Variants in JAZF1 observed in about 807,000 individuals in gnomAD.
The protein encoded by JAZF1 is juxtaposed with another zinc finger protein 1.
JAZF1 carries 8 observed loss-of-function variants against 26.4 expected under a neutral mutation model. The observed-to-expected ratio is 0.30, with a 90% confidence interval of 0.18 to 0.55. JAZF1 has a LOEUF of 0.55. Ranked by LOEUF, JAZF1 falls within the 20% of genes least tolerant of loss-of-function variation. The pLI, the probability that JAZF1 is intolerant of heterozygous loss-of-function variation, is 0.94. For synonymous variants in JAZF1, 126 were observed against 122.3 expected, an observed-to-expected ratio of 1.03 and a Z score of -0.20; for missense variants, 199 against 322.0, an observed-to-expected ratio of 0.62 and a Z score of 2.92.
chr7:27,931,140 T>C (rs1784683703), intron 2 of JAZF1, among the ~76,000 whole-genome samples: 1 of 152,212 alleles, frequency 6.6e-6, no homozygotes, highest in African/African-American at 2.4e-5. Flanking sequence ...TTAGCAAACT[T>C]TCTGTAAAGG....
intron 2 of JAZF1, among the ~76,000 whole-genome samples, chr7:27,932,878 AT>A (rs1235000479): frequency 2.0e-5 from 3 of 152,238 alleles, no homozygotes; most frequent in African/African-American, 4.8e-5. Flanking sequence ...CATACTTATA[AT>A]TTTTTTATGC....
At chr7:27,835,723 G>A (rs765346069) in intron 4 of JAZF1, among the ~76,000 whole-genome samples, 4 of 152,114 alleles carry the variant, frequency 2.6e-5, no homozygotes, top group East Asian at 1.9e-4. Flanking sequence ...GTTACAGGCC[G>A]CGGGAACGTC....
chr7:28,119,090 G>C (rs1387798156), intron 1 of JAZF1, among the ~76,000 whole-genome samples: 4 of 152,088 alleles, frequency 2.6e-5, no homozygotes, highest in African/African-American at 9.7e-5. Flanking sequence ...ACAGCTCTGT[G>C]AACCAAGAGG....
At chr7:27,985,782 T>C (rs554971433) in intron 2 of JAZF1, among the ~76,000 whole-genome samples, 2 of 152,356 alleles carry the variant, frequency 1.3e-5, no homozygotes, top group Admixed American at 1.3e-4. Flanking sequence ...ATCCCTGGGA[T>C]GCAAGGCTGG....
chr7:27,943,102 C>T (rs1403135507), intron 2 of JAZF1, among the ~76,000 whole-genome samples: 1 of 152,160 alleles, frequency 6.6e-6, no homozygotes, highest in African/African-American at 2.4e-5. Context: ...GACAAGAACC[C>T]GGAATACAGC....
At chr7:28,174,821 G>GGTGTGTGGGTGTGTGTGT (rs1554293531) in intron 1 of JAZF1, among the ~76,000 whole-genome samples, 4 of 107,798 alleles carry the variant, frequency 3.7e-5, no homozygotes, top group Admixed American at 1.0e-4. Context: ...GGGGTGTGTG[G>GGTGTGTGGGTGTGTGTGT]GTGTGTGTGT....
At chr7:27,970,808 T>C (rs958246233) in intron 2 of JAZF1, among the ~76,000 whole-genome samples, 4 of 152,226 alleles carry the variant, frequency 2.6e-5, no homozygotes, top group African/African-American at 7.2e-5. Context: ...TTTGGAATCT[T>C]ACATATTTTA....
At chr7:28,120,155 A>C (rs1784815664) in intron 1 of JAZF1, among the ~76,000 whole-genome samples, 1 of 141,558 alleles carries the variant, frequency 7.1e-6, no homozygotes, top group African/African-American at 2.7e-5. Context: ...AAAAGTACTT[A>C]TGGTTTTCAT....
intron 1 of JAZF1, among the ~76,000 whole-genome samples, chr7:28,126,457 G>A (rs1308588422): frequency 6.6e-6 from 1 of 151,646 alleles, no homozygotes. Context: ...CTTTGGATAA[G>A]GTCTTTTGGA....
chr7:28,092,304 A>AAAAAAAAAC (rs1784313136), intron 1 of JAZF1, among the ~76,000 whole-genome samples: 1 of 137,380 alleles, frequency 7.3e-6, no homozygotes, highest in African/African-American at 2.7e-5. Flanking sequence ...AAAAAAAAAA[A>AAAAAAAAAC]AAAAAAAAAA....
chr7:27,946,208 C>A (rs980267850), intron 2 of JAZF1, among the ~76,000 whole-genome samples: 3 of 152,114 alleles, frequency 2.0e-5, no homozygotes, highest in Non-Finnish European at 4.4e-5. Flanking sequence ...GACATAACTT[C>A]ATTATAAATC....
At chr7:27,962,439 T>C (rs1408276980) in intron 2 of JAZF1, among the ~76,000 whole-genome samples, 1 of 152,186 alleles carries the variant, frequency 6.6e-6, no homozygotes, top group Non-Finnish European at 1.5e-5. Flanking sequence ...GCTGGGTGAT[T>C]CACAGTCTTC....
intron 3 of JAZF1, among the ~76,000 whole-genome samples, chr7:27,848,743 C>A (rs1583428722): frequency 6.6e-6 from 1 of 152,140 alleles, no homozygotes; most frequent in African/African-American, 2.4e-5. Context: ...AGCCAAAATG[C>A]CTGTTTTTTG....
At chr7:28,067,904 A>C (rs931353275) in intron 1 of JAZF1, among the ~76,000 whole-genome samples, 26 of 151,976 alleles carry the variant, frequency 1.7e-4, no homozygotes, top group Non-Finnish European at 2.8e-4. Context: ...TCTGCTTCTA[A>C]GTAGTTTTTT....
At chr7:27,987,705 A>G (rs1785759930) in intron 2 of JAZF1, among the ~76,000 whole-genome samples, 1 of 152,256 alleles carries the variant, frequency 6.6e-6, no homozygotes, top group African/African-American at 2.4e-5. Context: ...CCAACAGCTC[A>G]TTGAGAACGG....
chr7:27,904,668 C>T (rs1437096206), intron 2 of JAZF1, among the ~76,000 whole-genome samples: 6 of 152,006 alleles, frequency 3.9e-5, no homozygotes, highest in African/African-American at 7.3e-5. Flanking sequence ...GCAGTATCAC[C>T]GAAACTCTGA....
Position 27,895,417 on chromosome 7 carries a change from C to A in JAZF1, c.189-1G>T. The A allele has an allele frequency of 6.3e-7, 1 of 1,591,102 alleles. No homozygotes were observed. Among genetic ancestry groups the A allele is most frequent in the Non-Finnish European group, 8.6e-7 (1 of 1,168,476 alleles). On this transcript the variant is annotated splice_acceptor_variant, in intron 2 of 4. Transcript: ENST00000283928. LOFTEE classifies it high-confidence loss of function. ...TCGGCGGGCAGCATCTGTCATGAAT[C>A]TGAAACAATAATGGAAGGTAAGGAA...
chr7:28,041,656 A>G (rs893587953), intron 1 of JAZF1, among the ~76,000 whole-genome samples: 8 of 152,172 alleles, frequency 5.3e-5, no homozygotes, highest in Non-Finnish European at 1.0e-4. Context: ...TGACTATAAT[A>G]CATACCAGAG....
At chr7:27,855,278 G>T (rs774764743) in intron 3 of JAZF1, among the ~76,000 whole-genome samples, 3 of 152,052 alleles carry the variant, frequency 2.0e-5, no homozygotes, top group African/African-American at 4.8e-5. Flanking sequence ...AAGCAGGAAA[G>T]ATCTGAAAGT....
Sources: gnomAD v4.1 joint callset for allele counts (sites outside exome capture counted in the v4.1 genomes callset) on GRCh38, gnomAD v4.1.1 for gene constraint, MANE v1.5 for transcripts, NCBI Gene and HGNC (gene_info 2026-07-23, HGNC 2026-07-21) for gene names.